RABGAP1: variants seen among roughly 807,000 people sequenced by gnomAD.
The protein encoded by RABGAP1 is rab GTPase-activating protein 1.
In RABGAP1, 23 loss-of-function variants were observed where a neutral mutation model predicts 137.6. The observed-to-expected ratio is 0.17, with a 90% confidence interval of 0.12 to 0.24. The LOEUF is 0.24. RABGAP1 is among the 10% of genes least tolerant of loss of function. RABGAP1 has a pLI of 1.00. For synonymous variants in RABGAP1, 451 were observed against 450.7 expected, an observed-to-expected ratio of 1.00 and a Z score of -0.01; for missense variants, 906 against 1,275.8, an observed-to-expected ratio of 0.71 and a Z score of 4.42.
chr9:123,046,791 A>G (rs1399002466), intron 13 of RABGAP1, among the ~76,000 whole-genome samples: 1 of 152,204 alleles, frequency 6.6e-6, no homozygotes, highest in East Asian at 1.9e-4. Flanking sequence ...ATACATGGCT[A>G]AGGGATTTAA....
intron 2 of RABGAP1, among the ~76,000 whole-genome samples, chr9:122,972,867 G>T (rs987349697): frequency 1.3e-5 from 2 of 151,882 alleles, no homozygotes; most frequent in Non-Finnish European, 2.9e-5. Context: ...CGGGCGTGAT[G>T]GCTCACACCT....
At chr9:122,982,061 A>T (rs999302363) in intron 2 of RABGAP1, among the ~76,000 whole-genome samples, 3 of 152,128 alleles carry the variant, frequency 2.0e-5, no homozygotes, top group African/African-American at 7.2e-5. Flanking sequence ...AAAAAAAAAA[A>T]AAAAGTATGT....
At chr9:122,950,521 C>T (rs528925474) in intron 1 of RABGAP1, among the ~76,000 whole-genome samples, 193 of 151,328 alleles carry the variant, frequency 1.3e-3, no homozygotes, top group Non-Finnish European at 2.4e-3. Context: ...GACCATAGGA[C>T]GCATATAGTA....
intron 13 of RABGAP1, among the ~76,000 whole-genome samples, chr9:123,057,860 C>G (rs767707608): frequency 3.3e-5 from 5 of 152,174 alleles, no homozygotes; most frequent in Non-Finnish European, 5.9e-5. Context: ...AGACCAGCCC[C>G]GCCAACACAG....
At chr9:123,009,527 C>T (rs980982946) in intron 10 of RABGAP1, among the ~76,000 whole-genome samples, 1 of 152,052 alleles carries the variant, frequency 6.6e-6, no homozygotes, top group Non-Finnish European at 1.5e-5. Flanking sequence ...CTATAGCTCT[C>T]CCTTTTTATT....
chr9:122,996,284 A>C, intron 7 of RABGAP1, 133 bp downstream of exon 7: 1 of 1,393,238 alleles, frequency 7.2e-7, no homozygotes, highest in Non-Finnish European at 9.4e-7. Context: ...TGTTTACTGA[A>C]GTCAGTGCTT....
At chr9:122,972,591 T>C (rs750387683) in intron 2 of RABGAP1, among the ~76,000 whole-genome samples, 1 of 152,214 alleles carries the variant, frequency 6.6e-6, no homozygotes, top group Non-Finnish European at 1.5e-5. Flanking sequence ...CCAGTTCTTA[T>C]TCAAAGTTTT....
At chr9:123,084,248 T>C (rs1451880035) in intron 19 of RABGAP1, among the ~76,000 whole-genome samples, 1 of 152,218 alleles carries the variant, frequency 6.6e-6, no homozygotes, top group Non-Finnish European at 1.5e-5. Flanking sequence ...AAATCTCAGG[T>C]TCTTTTTATC....
chr9:122,974,052 T>C lies in RABGAP1; in HGVS notation c.151-10433T>C, dbSNP rs565338327. ...AAAAGAACCTGGTAATCTTGTCCTCTGTAATGCAGATCTTTTATTCAGCAA... is the reference window on the plus strand; with the variant it reads ...AAAAGAACCTGGTAATCTTGTCCTCCGTAATGCAGATCTTTTATTCAGCAA... On this transcript the variant is annotated intron_variant, in intron 2 of 25. Coordinates refer to ENST00000373647, the MANE Select transcript of RABGAP1 (RefSeq NM_012197.4). Among the ~76,000 whole-genome samples, 4 of 152,068 alleles carry C rather than the reference T, an allele frequency of 2.6e-5. No individual in the cohort carries two copies. The South Asian group carries it at 6.2e-4, about 24-fold the overall frequency.
intron 24 of RABGAP1, among the ~76,000 whole-genome samples, chr9:123,101,218 TTTAA>T (rs1330998592): frequency 1.3e-5 from 2 of 152,222 alleles, no homozygotes; most frequent in Non-Finnish European, 1.5e-5. Context: ...ATATTTAATA[TTTAA>T]TTGTTTTTGA....
Position 123,097,827 on chromosome 9 carries a change from G to A in RABGAP1, c.2715G>A (p.Leu905=). ...ATGCAGAAGAAGAGAAAAGACGGCT[G>A]GAAGAAGAGTCTGCTCAGGTAAGGG... ...LIDAEEEKRR[L]EEESAQLKEM... Residue 905 remains leucine, a synonymous_variant, in exon 22 of 26, where the codon CTG becomes CTA. Coordinates refer to ENST00000373647, the MANE Select transcript of RABGAP1 (RefSeq NM_012197.4). 5 of 1,613,380 alleles carry A rather than the reference G, an allele frequency of 3.1e-6. No individual in the cohort carries two copies. The highest frequency in any genetic ancestry group is 3.4e-6 in the Non-Finnish European group (4 of 1,179,710).
At chr9:123,061,016 A>G (rs1349578304) in intron 13 of RABGAP1, among the ~76,000 whole-genome samples, 1 of 152,260 alleles carries the variant, frequency 6.6e-6, no homozygotes, top group Non-Finnish European at 1.5e-5. Flanking sequence ...GCTGACCATA[A>G]CAAATTACTG....
chr9:122,989,883 T>C, intron 5 of RABGAP1, 173 bp from the exon 6 acceptor site: 2 of 667,832 alleles, frequency 3.0e-6, no homozygotes, highest in East Asian at 2.9e-5. Flanking sequence ...ACCCCTTGTC[T>C]GGACATTTTT....
At chr9:122,950,590 T>G (rs1345925985) in intron 1 of RABGAP1, among the ~76,000 whole-genome samples, 1 of 152,112 alleles carries the variant, frequency 6.6e-6, no homozygotes, top group East Asian at 1.9e-4. Context: ...ACAAGCACTA[T>G]ATTATAATTA....
At chr9:122,957,240 T>C (rs954958305) in intron 2 of RABGAP1, 31 bp downstream of exon 2, 1 of 1,471,814 alleles carries the variant, frequency 6.8e-7, no homozygotes, top group Admixed American at 1.8e-5. Flanking sequence ...ATTGTTTTGC[T>C]TAGCTTTTCT....
intron 13 of RABGAP1, among the ~76,000 whole-genome samples, chr9:123,039,697 A>C (rs377482948): frequency 6.6e-6 from 1 of 152,188 alleles, no homozygotes. Context: ...AGTGCTTTCA[A>C]ATTGCCAGTT....
At chr9:123,076,344 C>G in intron 18 of RABGAP1, 58 bp downstream of exon 18, 1 of 1,539,612 alleles carries the variant, frequency 6.5e-7, no homozygotes, top group Non-Finnish European at 8.9e-7. Flanking sequence ...ACTTGCAATA[C>G]ATTGGTTGTA....
intron 13 of RABGAP1, among the ~76,000 whole-genome samples, chr9:123,046,831 G>A (rs1279658700): frequency 5.3e-5 from 8 of 152,182 alleles, no homozygotes. Flanking sequence ...GTAGACTTAA[G>A]ACTTCTGAGA....
In RABGAP1 at chr9:122,968,059, A is replaced by G. The variant is rs546003973; in HGVS notation, c.150+10850A>G. Among the ~76,000 whole-genome samples the G allele has an allele frequency of 7.3e-4, 111 of 152,052 alleles. 1 individual carries two copies. The highest frequency in any genetic ancestry group is 1.5e-3 in the Non-Finnish European group (100 of 68,018). ...CTTAATGTTTAATTTTTGTGGGTAC[A>G]TAGTAGGTGTATATATTTATGCGTT... is the stretch of plus-strand genomic sequence containing the variant. On this transcript the variant is annotated intron_variant, in intron 2 of 25. Transcript: ENST00000373647.
Sources: allele counts gnomAD v4.1 joint callset (sites outside exome capture counted in the v4.1 genomes callset), GRCh38; gene constraint gnomAD v4.1.1; transcripts MANE v1.5; gene names NCBI Gene and HGNC (gene_info 2026-07-23, HGNC 2026-07-21).